KANK1: variants seen among roughly 807,000 people sequenced by gnomAD.
The protein encoded by KANK1 is KN motif and ankyrin repeat domain-containing protein 1.
KANK1 carries 109 observed loss-of-function variants against 106.2 expected under a neutral mutation model. The observed-to-expected ratio is 1.03, with a 90% CI of 0.88 to 1.20. The LOEUF is 1.20. Ranked by LOEUF, KANK1 falls within the 50% of genes most tolerant of loss-of-function variation. The pLI is 0.00. For missense variants in KANK1, 2,399 were observed against 1,710.7 expected (o/e 1.40, Z -7.10); for synonymous variants, 873 against 652.2 (o/e 1.34, Z -5.16).
At chr9:619,302 T>G (rs747712261) in intron 1 of KANK1, among the ~76,000 whole-genome samples, 1 of 152,180 alleles carries the variant, frequency 6.6e-6, no homozygotes, top group African/African-American at 2.4e-5. Context: ...TCACACTGTT[T>G]AGTTTATCTA....
Position 646,665 on chromosome 9 carries a change from C to T in KANK1, c.-83-30225C>T, listed in dbSNP as rs147327227. Reference sequence around the variant, plus strand: ...AAACTGGACAGTTTATAGAGCAGTTCGCCTGATCATTTTTGTTTTTTAAGT... The same window carrying T: ...AAACTGGACAGTTTATAGAGCAGTTTGCCTGATCATTTTTGTTTTTTAAGT... On this transcript the variant is annotated intron_variant, in intron 1 of 11. Coordinates refer to ENST00000382297, the MANE Select transcript of KANK1 (RefSeq NM_015158.5). Among the ~76,000 whole-genome samples the T allele has an allele frequency of 4.7e-5, 7 of 149,444 alleles. No individual in the cohort carries two copies. The East Asian group carries it at 1.2e-3, about 25-fold the overall frequency.
intron 3 of KANK1, among the ~76,000 whole-genome samples, chr9:473,824 T>C (rs1969986): frequency 0.084 from 12,787 of 152,084 alleles, 1,839 homozygotes; most frequent in African/African-American, 0.29. Flanking sequence ...CTCAGCCTCC[T>C]GAGTAGCTGG....
At chr9:576,877 G>A (rs1820703340) in intron 1 of KANK1, among the ~76,000 whole-genome samples, 1 of 152,058 alleles carries the variant, frequency 6.6e-6, no homozygotes, top group African/African-American at 2.4e-5. Flanking sequence ...GTCCGGAATT[G>A]GTTCCTTCAG....
At chr9:645,847 T>TTA (rs1203032105) in intron 1 of KANK1, among the ~76,000 whole-genome samples, 4 of 150,836 alleles carry the variant, frequency 2.7e-5, no homozygotes, top group Admixed American at 6.6e-5. Context: ...AATGTGTATA[T>TTA]TATATATATA....
intron 1 of KANK1, among the ~76,000 whole-genome samples, chr9:526,620 C>T (rs528823401): frequency 6.6e-6 from 1 of 151,868 alleles, no homozygotes; most frequent in East Asian, 1.9e-4. Flanking sequence ...TCTTCTCATA[C>T]TTCAAAAAGT....
intron 2 of KANK1, among the ~76,000 whole-genome samples, chr9:695,535 T>A (rs1473094602): frequency 6.6e-6 from 1 of 151,766 alleles, no homozygotes; most frequent in East Asian, 1.9e-4. Context: ...AAGAAACCAA[T>A]GTAGAACTCA....
At chr9:530,329 G>T (rs1341431498) in intron 1 of KANK1, among the ~76,000 whole-genome samples, 1 of 152,038 alleles carries the variant, frequency 6.6e-6, no homozygotes, top group Admixed American at 6.6e-5. Context: ...AATGTCCAGG[G>T]TTTCTTTTGG....
At chr9:734,093 AGT>A (rs1833038430) in intron 6 of KANK1, 1 of 127,482 alleles carries the variant, frequency 7.8e-6, no homozygotes, top group African/African-American at 3.0e-5. Flanking sequence ...TGGGCAACAG[AGT>A]GAGACCTTGT....
chr9:599,525 C>G (rs886395718), intron 1 of KANK1, among the ~76,000 whole-genome samples: 17 of 151,716 alleles, frequency 1.1e-4, no homozygotes, highest in Admixed American at 9.8e-4. Flanking sequence ...TTTTAACTTA[C>G]TATTTTACAT....
At chr9:478,021 C>A in intron 3 of KANK1, 1 of 170,734 alleles carries the variant, frequency 5.9e-6, no homozygotes, top group South Asian at 1.3e-4. Context: ...CCAGAAGAGT[C>A]AAAGGATTAC....
chr9:533,793 A>G (rs1300958125), intron 1 of KANK1, among the ~76,000 whole-genome samples: 2 of 152,130 alleles, frequency 1.3e-5, no homozygotes, highest in African/African-American at 4.8e-5. Flanking sequence ...GTTGTTTTTC[A>G]TCTTCTGGAA....
At chr9:739,380 C>G (rs1381599202) in intron 8 of KANK1, among the ~76,000 whole-genome samples, 1 of 152,196 alleles carries the variant, frequency 6.6e-6, no homozygotes, top group African/African-American at 2.4e-5. Context: ...CTGTCTTCAT[C>G]CACTGTCCAA....
At chr9:521,845 G>A (rs567430559) in intron 1 of KANK1, among the ~76,000 whole-genome samples, 1 of 151,752 alleles carries the variant, frequency 6.6e-6, no homozygotes, top group East Asian at 1.9e-4. Context: ...TGGGATTACA[G>A]GCATGAGCCA....
chr9:488,969 G>C (rs2058337275), intron 3 of KANK1: 1 of 152,116 alleles, frequency 6.6e-6, no homozygotes, highest in Admixed American at 6.5e-5. Context: ...CAGTGATCTG[G>C]AGTCATCATG....
intron 3 of KANK1, among the ~76,000 whole-genome samples, chr9:727,821 A>T (rs1831143783): frequency 6.6e-6 from 1 of 152,020 alleles, no homozygotes; most frequent in Non-Finnish European, 1.5e-5. Context: ...TTTCCACATC[A>T]CCCACATTGA....
chr9:528,067 A>C (rs1286671609), intron 1 of KANK1, among the ~76,000 whole-genome samples: 1 of 150,300 alleles, frequency 6.7e-6, no homozygotes, highest in Non-Finnish European at 1.5e-5. Flanking sequence ...CGGGAGGTGG[A>C]GCTTGCAGTG....
In KANK1 at chr9:712,794, T is replaced by C; in HGVS notation, c.2028T>C (p.Asp676=). ...PRTADQDTST[D]LEQVHQFTNT... ...CTGCAGACCAGGACACTAGCACAGA[T>C]TTGGAACAGGTGCACCAGTTCACCA... The change falls in exon 3 of 12, where the codon GAT becomes GAC. Residue 676 remains aspartate, a synonymous_variant. Transcript: ENST00000382297. 6.2e-7 allele frequency: 1 copy of C among 1,613,742 alleles called. No homozygotes were observed. The highest frequency in any genetic ancestry group is 8.5e-7 in the Non-Finnish European group (1 of 1,179,896).
chr9:505,869 A>AG (rs1395184511), intron 1 of KANK1, among the ~76,000 whole-genome samples: 1 of 152,138 alleles, frequency 6.6e-6, no homozygotes, highest in Non-Finnish European at 1.5e-5. Flanking sequence ...AATGGAAATG[A>AG]GGGTCTGTTT....
intron 1 of KANK1, among the ~76,000 whole-genome samples, chr9:672,133 AT>A (rs1346654427): frequency 6.6e-6 from 1 of 152,142 alleles, no homozygotes; most frequent in Non-Finnish European, 1.5e-5. Flanking sequence ...AAATCACATA[AT>A]CACAAGAGCC....
Sources: gnomAD v4.1 joint callset for allele counts (sites outside exome capture counted in the v4.1 genomes callset) on GRCh38, gnomAD v4.1.1 for gene constraint, MANE v1.5 for transcripts, NCBI Gene and HGNC (gene_info 2026-07-23, HGNC 2026-07-21) for gene names.